LTBP2: variants seen among roughly 807,000 people sequenced by gnomAD.
LTBP2 encodes the protein latent-transforming growth factor beta-binding protein 2.
Under a neutral mutation model 210.6 loss-of-function variants are expected in LTBP2, and 103 were observed. The observed-to-expected ratio is 0.49, with a 90% CI of 0.42 to 0.58. LTBP2 has a LOEUF of 0.58. Ranked by LOEUF, LTBP2 falls within the 20% of genes least tolerant of loss-of-function variation. The probability of loss-of-function intolerance (pLI) is 0.00; values close to 1 mark genes in which losing one functional copy is unlikely to be tolerated. For synonymous variants in LTBP2, 1,007 were observed against 1,015.0 expected (o/e 0.99, Z 0.15); for missense variants, 2,313 against 2,494.5 (o/e 0.93, Z 1.55).
At chr14:74,509,458 G>T in intron 21 of LTBP2, 95 bp from the exon 22 acceptor site, 1 of 1,570,960 alleles carries the variant, frequency 6.4e-7, no homozygotes, top group Non-Finnish European at 8.7e-7. Context: ...CTGAGCCCCT[G>T]GGGCTTTCCT....
intron 3 of LTBP2, 112 bp downstream of exon 3, chr14:74,585,742 G>A: frequency 6.6e-7 from 1 of 1,524,942 alleles, no homozygotes; most frequent in Non-Finnish European, 8.9e-7. Flanking sequence ...AGGAGAGAAG[G>A]GAGGACTCTG....
At chr14:74,503,799 T>G in intron 31 of LTBP2, 127 bp downstream of exon 31, 5 of 1,447,922 alleles carry the variant, frequency 3.5e-6, no homozygotes, top group Non-Finnish European at 4.7e-6. Flanking sequence ...GGGACCAGCC[T>G]GCTGCAGTGG....
At chr14:74,585,311 G>A (rs1384182975) in intron 3 of LTBP2, among the ~76,000 whole-genome samples, 1 of 152,162 alleles carries the variant, frequency 6.6e-6, no homozygotes, top group African/African-American at 2.4e-5. Context: ...TACATCACAG[G>A]GACCACAGGC....
At chr14:74,560,516 G>A (rs1235403072) in intron 3 of LTBP2, among the ~76,000 whole-genome samples, 2 of 152,224 alleles carry the variant, frequency 1.3e-5, no homozygotes, top group Non-Finnish European at 2.9e-5. Context: ...TGTGCAAGGT[G>A]TGCCCACACC....
In LTBP2 at chr14:74,508,039, C is replaced by T. The variant is rs769155905; in HGVS notation, c.3709G>A (p.Glu1237Lys). Residue 1237 changes from glutamate (E) to lysine (K), a missense_variant, in exon 25 of 36, where the codon GAG (glutamate) becomes AAG (lysine). By Grantham distance (56) the Glu-to-Lys change is moderately conservative. This residue lies in a region of LTBP2 where 1,867 missense variants were observed against 1,976.9 expected (regional missense o/e 0.94). Transcript: ENST00000261978. ...TCACATAGACAGTTGAAGGAGCCCT[C>T]GGTGTTGACACAGTGCCCTCCCACA... is the stretch of plus-strand genomic sequence containing the variant. ...PCVGGHCVNT[E>K]GSFNCLCETG... 3.8e-5 allele frequency: 61 copies of T among 1,613,870 alleles called. No individual in the cohort carries two copies. Among genetic ancestry groups the T allele is most frequent in the Middle Eastern group, 1.6e-4 (1 of 6,076 alleles).
rs1413386499 is a variant in LTBP2 at position 74,611,863 on chromosome 14, G to C, written c.82C>G (p.Leu28Val). 1.2e-6 allele frequency: 2 copies of C among 1,610,142 alleles called. No individual in the cohort carries two copies. Among genetic ancestry groups the C allele is most frequent in the Middle Eastern group, 1.7e-4 (1 of 6,034 alleles). ...TGGGCATGACCCGCGCCCACGAAGA[G>C]AGCCAGGGTGAGCGGCAGGAAGCCT... ...WRGFLPLTLA[L>V]FVGAGHAQRD... Residue 28 changes from leucine to valine, a missense_variant, in exon 1 of 36, where the codon CTC becomes GTC. Physicochemically the swap from Leu to Val is conservative, Grantham distance 32. Around this residue, in one of 3 missense-constraint regions of LTBP2, gnomAD observed 1,867 missense variants for 1,976.9 expected, o/e 0.94. Transcript: ENST00000261978.
chr14:74,507,274 C>T lies in LTBP2; in HGVS notation c.3812G>A (p.Cys1271Tyr), dbSNP rs993574230. Reference sequence around the variant, plus strand: ...GCTGTTTTCACACTTCCAGGTGCCACACACCGGGTCTCCATAGTCCTCACA... The same window carrying T: ...GCTGTTTTCACACTTCCAGGTGCCATACACCGGGTCTCCATAGTCCTCACA... ...DECEDYGDPV[C>Y]GTWKCENSPG... The change falls in exon 26 of 36, where the codon TGT (cysteine) becomes TAT (tyrosine). Residue 1271 changes from cysteine to tyrosine, a missense_variant. Cys to Tyr is a radical substitution (Grantham distance 194). Transcript: ENST00000261978. 5 of 1,614,252 alleles carry T rather than the reference C, an allele frequency of 3.1e-6. No individual in the cohort carries two copies. The highest frequency in any genetic ancestry group is 4.2e-6 in the Non-Finnish European group (5 of 1,180,042).
At chr14:74,598,271 G>A (rs564373300) in intron 2 of LTBP2, among the ~76,000 whole-genome samples, 2 of 152,324 alleles carry the variant, frequency 1.3e-5, no homozygotes, top group East Asian at 3.9e-4. Flanking sequence ...GGAGAGACAG[G>A]GTTCTCGTAG....
At chr14:74,571,269 G>C (rs980912729) in intron 3 of LTBP2, among the ~76,000 whole-genome samples, 2 of 152,170 alleles carry the variant, frequency 1.3e-5, no homozygotes, top group African/African-American at 4.8e-5. Context: ...GGGAGACAGA[G>C]GTTGCAGTGA....
intron 16 of LTBP2, 71 bp downstream of exon 16, chr14:74,522,719 A>G: frequency 2.6e-6 from 4 of 1,527,094 alleles, no homozygotes; most frequent in Non-Finnish European, 3.5e-6. Flanking sequence ...CTGGACTCTC[A>G]ACTCGGCCTC....
At chr14:74,518,100 G>A (rs571188777) in intron 17 of LTBP2, among the ~76,000 whole-genome samples, 5 of 152,154 alleles carry the variant, frequency 3.3e-5, no homozygotes, top group Admixed American at 6.5e-5. Context: ...TCACCTTTGG[G>A]TCCTGTGGGT....
In LTBP2 at chr14:74,508,693, G is replaced by C; in HGVS notation, c.3563C>G (p.Pro1188Arg). The C allele has an allele frequency of 6.2e-7, 1 of 1,613,738 alleles. No individual in the cohort carries two copies. The highest frequency in any genetic ancestry group is 8.5e-7 in the Non-Finnish European group (1 of 1,179,988). ...GTGGCTGTTGAGGCACTCGCCGTGG[G>C]GTGCGCAGTGCTCCTCCCCCATGCA... ...NECMGEEHCA[P>R]HGECLNSHGS... Residue 1188 changes from proline (P) to arginine (R), a missense_variant, in exon 24 of 36, where the codon CCC becomes CGC. Physicochemically the swap from Pro to Arg is moderately radical, Grantham distance 103. This residue lies in a region of LTBP2 where 1,867 missense variants were observed against 1,976.9 expected (regional missense o/e 0.94). Coordinates refer to ENST00000261978, the MANE Select transcript of LTBP2 (RefSeq NM_000428.3).
intron 8 of LTBP2, among the ~76,000 whole-genome samples, chr14:74,543,557 C>T (rs1595265494): frequency 1.2e-5 from 1 of 82,136 alleles, no homozygotes; most frequent in African/African-American, 3.3e-5. Context: ...TCCCTCCCTT[C>T]CTTCCTCCCT....
intron 2 of LTBP2, among the ~76,000 whole-genome samples, chr14:74,589,253 C>T (rs1287459656): frequency 6.6e-6 from 1 of 152,190 alleles, no homozygotes; most frequent in African/African-American, 2.4e-5. Context: ...GAAAGTAGAA[C>T]ACACAAGTTA....
chr14:74,589,187 G>A (rs917547887), intron 2 of LTBP2, among the ~76,000 whole-genome samples: 2 of 152,210 alleles, frequency 1.3e-5, no homozygotes, highest in African/African-American at 4.8e-5. Context: ...AGCATTCGTA[G>A]AGCACTCACT....
rs993715040 is a variant in LTBP2 at position 74,555,518 on chromosome 14, G to T, written c.1006C>A (p.Pro336Thr). The change falls in exon 4 of 36, where the codon CCC (proline) becomes ACC (threonine). Residue 336 changes from proline to threonine, a missense_variant. By Grantham distance (38) the Pro-to-Thr change is conservative (BLOSUM62 -1). Around this residue, in one of 3 missense-constraint regions of LTBP2, gnomAD observed 1,867 missense variants for 1,976.9 expected, o/e 0.94. Coordinates refer to ENST00000261978, the MANE Select transcript of LTBP2 (RefSeq NM_000428.3). ...GTQQAVPLEH[P>T]SSPWGLNLTE... Reference sequence around the variant, plus strand: ...GTATCCTTACCCCAGGGGGATGAGGGGTGCTCCAGAGGTACCGCCTGTTGG... The same window carrying T: ...GTATCCTTACCCCAGGGGGATGAGGTGTGCTCCAGAGGTACCGCCTGTTGG... 1.2e-6 allele frequency: 2 copies of T among 1,613,668 alleles called. No individual in the cohort carries two copies. The highest frequency in any genetic ancestry group is 1.7e-6 in the Non-Finnish European group (2 of 1,179,740).
intron 3 of LTBP2, 121 bp from the exon 4 acceptor site, chr14:74,555,814 A>C: frequency 1.5e-6 from 1 of 665,722 alleles, no homozygotes; most frequent in Non-Finnish European, 2.3e-6. Flanking sequence ...CTGCCTTCTC[A>C]CCCATGTATG....
In LTBP2 at chr14:74,551,115, G is replaced by A. The variant is rs1292925364; in HGVS notation, c.1635C>T (p.Pro545=). Reference sequence around the variant, plus strand: ...ACCGGCCCAGCAGTCCTCGAGGCCTGGGTGCTGCTGGGGGCAGTGGCCGAG... The same window carrying A: ...ACCGGCCCAGCAGTCCTCGAGGCCTAGGTGCTGCTGGGGGCAGTGGCCGAG... ...EPPRPLPPAA[P]RPRGLLGRCY... Residue 545 remains proline, a synonymous_variant, in exon 7 of 36, where the codon CCC becomes CCT. Coordinates refer to ENST00000261978, the MANE Select transcript of LTBP2 (RefSeq NM_000428.3). 4 of 1,613,758 alleles carry A rather than the reference G, an allele frequency of 2.5e-6. No homozygotes were observed. The highest frequency in any genetic ancestry group is 2.7e-5 in the African/African-American group (2 of 74,940).
At chr14:74,528,756 G>T in intron 11 of LTBP2, 58 bp from the exon 12 acceptor site, 1 of 1,588,452 alleles carries the variant, frequency 6.3e-7, no homozygotes. Flanking sequence ...AGGAAACCAG[G>T]GCCTTCCTTT....
Sources: gnomAD v4.1 joint callset for allele counts (sites outside exome capture counted in the v4.1 genomes callset) on GRCh38, gnomAD v4.1.1 for gene constraint, gnomAD v4.1.1 regional missense constraint, MANE v1.5 for transcripts, NCBI Gene and HGNC (gene_info 2026-07-23, HGNC 2026-07-21) for gene names.